The following ARL5B variants were observed in gnomAD, a reference collection of about 807,000 sequenced individuals.
ARL5B encodes the protein ADP-ribosylation factor-like protein 5B.
A neutral mutation model predicts 26.9 loss-of-function variants in ARL5B; 10 were observed. The ratio of observed to expected loss-of-function variants is 0.37; its 90% CI spans 0.23 to 0.63. The LOEUF is 0.63. Ranked by LOEUF, ARL5B falls within the 30% of genes least tolerant of loss-of-function variation. The probability of loss-of-function intolerance (pLI) is 0.62; values close to 1 mark genes in which losing one functional copy is unlikely to be tolerated. For missense variants in ARL5B, 167 were observed against 213.9 expected (o/e 0.78, Z 1.37); for synonymous variants, 87 against 70.4 (o/e 1.24, Z -1.18).
At chr10:18,663,112 A>G (rs1447634700) in intron 1 of ARL5B, among the ~76,000 whole-genome samples, 1 of 151,930 alleles carries the variant, frequency 6.6e-6, no homozygotes, top group East Asian at 1.9e-4. Context: ...AAGTTCAAGC[A>G]ATTCTCCTGC....
rs1016469740 is a variant in ARL5B at position 18,675,473 on chromosome 10, TAATC to T, written c.*259_*262del. On this transcript the variant is annotated 3_prime_UTR_variant, in exon 6 of 6. Transcript: ENST00000377275. Reference sequence around the variant, plus strand: ...CAACAATTCTTCTGTTTATTCTAATTAATCAGTGACTGCCTTGTAAGAAATGTTT... The same window carrying T: ...CAACAATTCTTCTGTTTATTCTAATTAGTGACTGCCTTGTAAGAAATGTTT... The T allele has an allele frequency of 7.9e-5, 33 of 415,986 alleles. No individual in the cohort carries two copies. Among genetic ancestry groups the T allele is most frequent in the Admixed American group, 4.6e-4 (12 of 26,370 alleles). The allele number at this position is 415,986 out of a possible 1,614,324, so 25.8% of individuals were successfully genotyped here. A position where few individuals can be genotyped will look rare whatever the true frequency, so the allele number is the denominator to read the frequency against.
chr10:18,661,457 C>T (rs890979663), intron 1 of ARL5B, among the ~76,000 whole-genome samples: 10 of 152,172 alleles, frequency 6.6e-5, no homozygotes, highest in African/African-American at 2.4e-4. Flanking sequence ...ATCTCCATTT[C>T]TACTTAGAAT....
chr10:18,677,810 T>G lies in ARL5B; in HGVS notation c.*2594T>G, dbSNP rs1336780752. The G allele has an allele frequency of 6.6e-6, 1 of 152,278 alleles. No individual in the cohort carries two copies. The highest frequency in any genetic ancestry group is 1.5e-5 in the Non-Finnish European group (1 of 67,766). 9.4% of individuals were successfully genotyped at this position (152,278 alleles called of 1,614,324 possible). ...ATTTCAGTGATGAAATAATTTGTGT[T>G]TTATATCCCCCTTCACCTCCATGTA... On this transcript the variant is annotated 3_prime_UTR_variant, in exon 6 of 6. Coordinates refer to ENST00000377275, the MANE Select transcript of ARL5B (RefSeq NM_178815.5).
rs773786528 is a variant in ARL5B at position 18,674,061 on chromosome 10, G to A, written c.417G>A (p.Ser139=). ...GGTGTATGACAGCAGCTGAAATCTC[G>A]AAATACCTCACCCTTAGTTCAATTA... ...MKGCMTAAEI[S]KYLTLSSIKD... is the part of the protein sequence containing the mutation. Residue 139 remains serine (S), a synonymous_variant, in exon 5 of 6, where the codon TCG becomes TCA. Transcript: ENST00000377275. 5.6e-6 allele frequency: 9 copies of A among 1,613,004 alleles called. No individual in the cohort carries two copies. Among genetic ancestry groups the A allele is most frequent in the East Asian group, 2.2e-5 (1 of 44,794 alleles).
At position 18,681,582 on chromosome 10, in the gene ARL5B, CATTT is replaced by C. The variant is rs780036206; in HGVS notation, c.*6367_*6370del. On this transcript the variant is annotated 3_prime_UTR_variant, in exon 6 of 6. Transcript: ENST00000377275. ...TCATGGTGCAATATAGTGTAACATT[CATTT>C]GTTTTCATTCAACAGTTTTATTTTT... The C allele has an allele frequency of 2.0e-5, 3 of 152,104 alleles. No individual in the cohort carries two copies. Among genetic ancestry groups the C allele is most frequent in the East Asian group, 1.9e-4 (1 of 5,200 alleles). The allele number at this position is 152,104 out of a possible 1,614,324, so 9.4% of individuals were successfully genotyped here. A position where few individuals can be genotyped will look rare whatever the true frequency, so the allele number is the denominator to read the frequency against.
At position 18,677,229 on chromosome 10, in the gene ARL5B, G is replaced by C. The variant is rs2059914154; in HGVS notation, c.*2013G>C. ...TGCCTTCTTGTATCTAGTAAGATTG[G>C]CTGGCTCAATTTTCTTCTGTCAAAT... On this transcript the variant is annotated 3_prime_UTR_variant, in exon 6 of 6. Coordinates refer to ENST00000377275, the MANE Select transcript of ARL5B (RefSeq NM_178815.5). 1 of 151,652 alleles carries C rather than the reference G, an allele frequency of 6.6e-6. No individual in the cohort carries two copies. Among genetic ancestry groups the C allele is most frequent in the African/African-American group, 2.4e-5 (1 of 41,174 alleles). 9.4% of individuals were successfully genotyped at this position (151,652 alleles called of 1,614,324 possible). A position where few individuals can be genotyped will look rare whatever the true frequency, so the allele number is the denominator to read the frequency against.
rs2059922116 is a variant in ARL5B at position 18,679,030 on chromosome 10, A to G, written c.*3814A>G. 6.6e-6 allele frequency: 1 copy of G among 151,930 alleles called. No individual in the cohort carries two copies. The allele number at this position is 151,930 out of a possible 1,614,324, so 9.4% of individuals were successfully genotyped here. On this transcript the variant is annotated 3_prime_UTR_variant, in exon 6 of 6. Transcript: ENST00000377275. ...AGTAGGGCAATACAGGTAATATGAAATTAAATGTATTTTTATCCATTATTT... is the reference window on the plus strand; with the variant it reads ...AGTAGGGCAATACAGGTAATATGAAGTTAAATGTATTTTTATCCATTATTT...
chr10:18,660,068 T>G (rs1260045174), intron 1 of ARL5B, among the ~76,000 whole-genome samples: 3 of 152,112 alleles, frequency 2.0e-5, no homozygotes, highest in Non-Finnish European at 4.4e-5. Context: ...GAACTTTTTT[T>G]TTTTTGAGTA....
At chr10:18,672,503 A>T in intron 3 of ARL5B, 119 bp from the exon 4 acceptor site, 1 of 609,700 alleles carries the variant, frequency 1.6e-6, no homozygotes, top group South Asian at 2.2e-5. Flanking sequence ...AAAGCAGTAG[A>T]TGTTTTATAG....
At chr10:18,670,917 A>G (rs1444630932) in intron 3 of ARL5B, among the ~76,000 whole-genome samples, 1 of 152,256 alleles carries the variant, frequency 6.6e-6, no homozygotes, top group Non-Finnish European at 1.5e-5. Flanking sequence ...TATCAAAATT[A>G]CTACAAAGAA....
chr10:18,659,556 C>T lies in ARL5B; in HGVS notation c.-82C>T. 1 of 1,485,814 alleles carries T rather than the reference C, an allele frequency of 6.7e-7. No individual in the cohort carries two copies. The highest frequency in any genetic ancestry group is 8.9e-7 in the Non-Finnish European group (1 of 1,119,676). The allele number at this position is 1,485,814 out of a possible 1,614,324, so 92.0% of individuals were successfully genotyped here. ...ATCTCAGGCGGGTTCTCCTCGGCTC[C>T]GCGCAGCCCGCGCCGCGGTGGGGGA... On this transcript the variant is annotated 5_prime_UTR_variant, in exon 1 of 6. Coordinates refer to ENST00000377275, the MANE Select transcript of ARL5B (RefSeq NM_178815.5).
At position 18,677,703 on chromosome 10, in the gene ARL5B, T is replaced by C. The variant is rs1166207598; in HGVS notation, c.*2487T>C. On this transcript the variant is annotated 3_prime_UTR_variant, in exon 6 of 6. Transcript: ENST00000377275. ...CTGTCTAAAAAATGTACATTTGTAA[T>C]TAGTGCCTTTATTCATATTTTGAAA... 1 of 152,326 alleles carries C rather than the reference T, an allele frequency of 6.6e-6. No homozygotes were observed. Among genetic ancestry groups the C allele is most frequent in the Non-Finnish European group, 1.5e-5 (1 of 67,786 alleles). The allele number at this position is 152,326 out of a possible 1,614,324, so 9.4% of individuals were successfully genotyped here.
intron 5 of ARL5B, 77 bp downstream of exon 5, chr10:18,674,212 A>G: frequency 3.6e-6 from 5 of 1,384,592 alleles, no homozygotes; most frequent in Non-Finnish European, 4.9e-6. Context: ...TGTTTTCTTC[A>G]TGGGTCCTGT....
At chr10:18,666,718 A>G (rs1198088110) in intron 2 of ARL5B, 83 bp downstream of exon 2, 2 of 1,186,296 alleles carry the variant, frequency 1.7e-6, no homozygotes, top group Non-Finnish European at 2.3e-6. Context: ...CATTATAATA[A>G]TGACGGAAAA....
At position 18,674,256 on chromosome 10, in the gene ARL5B, G is replaced by A. The variant is rs1011307511; in HGVS notation, c.491+121G>A. 2.3e-5 allele frequency: 21 copies of A among 911,918 alleles called. No homozygotes were observed. The South Asian group carries it at 4.7e-4, about 21-fold the overall frequency. 56.5% of individuals were successfully genotyped at this position (911,918 alleles called of 1,614,324 possible). On this transcript the variant is annotated intron_variant, in intron 5 of 5. Transcript: ENST00000377275. ...TGTTTGTTTGTTCTTAATTAAAGGT[G>A]ACTTTTATAATGTGTCTCAGGCTTA...
chr10:18,664,994 TA>T (rs1256692618), intron 1 of ARL5B, among the ~76,000 whole-genome samples: 2 of 152,204 alleles, frequency 1.3e-5, no homozygotes, highest in East Asian at 3.9e-4. Context: ...TGCTTATCTT[TA>T]AACTAGTGGC....
chr10:18,670,838 C>T (rs1265294478), intron 3 of ARL5B, among the ~76,000 whole-genome samples: 1 of 152,098 alleles, frequency 6.6e-6, no homozygotes, highest in Non-Finnish European at 1.5e-5. Context: ...AGCATGGGTC[C>T]AGAAAGAGAT....
chr10:18,681,625 A>G lies in ARL5B; in HGVS notation c.*6409A>G, dbSNP rs1167900326. 1 of 152,186 alleles carries G rather than the reference A, an allele frequency of 6.6e-6. No individual in the cohort carries two copies. The highest frequency in any genetic ancestry group is 6.5e-5 in the Admixed American group (1 of 15,276). The allele number at this position is 152,186 out of a possible 1,614,324, so 9.4% of individuals were successfully genotyped here. A position where few individuals can be genotyped will look rare whatever the true frequency, so the allele number is the denominator to read the frequency against. ...AGTTTTATTTTTGTCATAATAAATAATTACTTTTCCAATACGAAGTGAATC... is the reference window on the plus strand; with the variant it reads ...AGTTTTATTTTTGTCATAATAAATAGTTACTTTTCCAATACGAAGTGAATC... On this transcript the variant is annotated 3_prime_UTR_variant, in exon 6 of 6. Coordinates refer to ENST00000377275, the MANE Select transcript of ARL5B (RefSeq NM_178815.5).
At chr10:18,668,903 G>A (rs2131642403) in intron 3 of ARL5B, among the ~76,000 whole-genome samples, 1 of 151,912 alleles carries the variant, frequency 6.6e-6, no homozygotes, top group South Asian at 2.1e-4. Context: ...CCAAATAGCA[G>A]GAATTACAGG....
Sources: allele counts gnomAD v4.1 joint callset (sites outside exome capture counted in the v4.1 genomes callset), GRCh38; gene constraint gnomAD v4.1.1; transcripts MANE v1.5; gene names NCBI Gene and HGNC (gene_info 2026-07-23, HGNC 2026-07-21).